The following MPHOSPH6 variants were observed in gnomAD, a reference collection of about 807,000 sequenced individuals.
The protein encoded by MPHOSPH6 is M-phase phosphoprotein 6.
Under a neutral mutation model 21.8 loss-of-function variants are expected in MPHOSPH6, and 25 were observed. That is an observed-to-expected ratio of 1.15 (90% CI 0.83 to 1.60). The LOEUF is 1.60. Among genes scored for constraint, MPHOSPH6 ranks in the 40% most tolerant of loss-of-function variants. The pLI is 0.00. For synonymous variants in MPHOSPH6, 84 were observed against 56.5 expected (o/e 1.49, Z -2.18); for missense variants, 269 against 181.8 (o/e 1.48, Z -2.76).
At chr16:82,169,898 T>G (rs2967361) in intron 1 of MPHOSPH6, among the ~76,000 whole-genome samples, 103,669 of 152,132 alleles carry the variant, frequency 0.68, 36,516 homozygotes, top group Admixed American at 0.78. Flanking sequence ...TTCTGTGTAC[T>G]CAAGCTCCCA....
At chr16:82,149,288 G>T in intron 4 of MPHOSPH6, 21 bp downstream of exon 4, 1 of 1,609,454 alleles carries the variant, frequency 6.2e-7, no homozygotes, top group South Asian at 1.1e-5. Flanking sequence ...AGATTAGAAG[G>T]CTGCTGCGCA....
At position 82,148,786 on chromosome 16, in the gene MPHOSPH6, T is replaced by C; in HGVS notation, c.428A>G (p.Asn143Ser). The C allele has an allele frequency of 6.2e-7, 1 of 1,614,150 alleles. No homozygotes were observed. Among genetic ancestry groups the C allele is most frequent in the Non-Finnish European group, 8.5e-7 (1 of 1,180,006 alleles). The change falls in exon 5 of 5, where the codon AAT becomes AGT. Residue 143 changes from asparagine to serine, a missense_variant. Physicochemically the swap from Asn to Ser is conservative, Grantham distance 46 (BLOSUM62 1). Transcript: ENST00000258169. ...TGCTTTAATTGGTGTTATGTCTCCA[T>C]TTTCATCTTCTTCATAATTGGCATG... ...RDHANYEEDE[N>S]GDITPIKAKK...
chr16:82,167,650 T>G (rs1263045082), intron 1 of MPHOSPH6: 1 of 155,748 alleles, frequency 6.4e-6, no homozygotes, highest in Non-Finnish European at 1.4e-5. Flanking sequence ...TTCTCGTAAG[T>G]AGAGCGCAAG....
rs367620629 is a variant in MPHOSPH6, at chr16:82,149,433, G to C, written c.256-30C>G. The stretch of plus-strand genomic sequence containing the variant: ...AAAATACACCAGTGCTGACCTTCAG[G>C]CTAGAAAACGCTTGTGAAAGGAACT... On this transcript the variant is annotated intron_variant, in intron 3 of 4. Coordinates refer to ENST00000258169, the MANE Select transcript of MPHOSPH6 (RefSeq NM_005792.2). 3.8e-6 allele frequency: 6 copies of C among 1,588,172 alleles called. No individual in the cohort carries two copies. The African/African-American group carries it at 5.4e-5, about 14-fold the overall frequency.
intron 3 of MPHOSPH6, 114 bp from the exon 4 acceptor site, chr16:82,149,517 A>C (rs970843620): frequency 9.1e-5 from 78 of 853,670 alleles, no homozygotes; most frequent in Admixed American, 2.1e-4. Context: ...AGAACTAGTC[A>C]AAATTGATAA....
intron 2 of MPHOSPH6, among the ~76,000 whole-genome samples, chr16:82,160,029 G>A (rs1906557229): frequency 6.6e-6 from 1 of 152,132 alleles, no homozygotes; most frequent in Non-Finnish European, 1.5e-5. Flanking sequence ...GGCAAAGGAG[G>A]GACCCAGAGA....
chr16:82,149,466 A>G, intron 3 of MPHOSPH6, 63 bp from the exon 4 acceptor site: 1 of 1,389,428 alleles, frequency 7.2e-7, no homozygotes, highest in Non-Finnish European at 1.0e-6. Context: ...ACTGATGTCA[A>G]ACTTACCTGA....
At position 82,170,209 on chromosome 16, in the gene MPHOSPH6, G is replaced by C. The variant is rs998253484; in HGVS notation, c.-34C>G. ...CCGCCCAGCGCCGCACTCCGGCCGCGAGCCTCACCGCACATGCGCGGAGCC... is the reference window on the plus strand; with the variant it reads ...CCGCCCAGCGCCGCACTCCGGCCGCCAGCCTCACCGCACATGCGCGGAGCC... On this transcript the variant is annotated 5_prime_UTR_variant, in exon 1 of 5. Transcript: ENST00000258169. 1.9e-6 allele frequency: 3 copies of C among 1,566,216 alleles called. No homozygotes were observed. Among genetic ancestry groups the C allele is most frequent in the African/African-American group, 1.4e-5 (1 of 72,060 alleles).
chr16:82,149,494 T>TC, intron 3 of MPHOSPH6, 91 bp from the exon 4 acceptor site: 2 of 1,060,496 alleles, frequency 1.9e-6, no homozygotes, highest in South Asian at 2.5e-5. Flanking sequence ...GAAACTGAAG[T>TC]CAAATAATCT....
intron 3 of MPHOSPH6, among the ~76,000 whole-genome samples, 187 bp from the exon 4 acceptor site, chr16:82,149,590 A>G (rs1458978371): frequency 6.6e-6 from 1 of 152,256 alleles, no homozygotes; most frequent in Admixed American, 6.5e-5. Context: ...AGTCAAAAAA[A>G]TAGTAAGGCA....
intron 1 of MPHOSPH6, among the ~76,000 whole-genome samples, chr16:82,165,918 A>T (rs62044259): frequency 0.65 from 99,188 of 152,178 alleles, 34,443 homozygotes; most frequent in East Asian, 0.78. Context: ...CAAGTGCTGA[A>T]GAGAATGTGA....
intron 2 of MPHOSPH6, among the ~76,000 whole-genome samples, chr16:82,154,178 C>T (rs2064191309): frequency 6.6e-6 from 1 of 152,158 alleles, no homozygotes; most frequent in South Asian, 2.1e-4. Flanking sequence ...AGAGCTTGCA[C>T]AGAGCAAGGA....
chr16:82,159,240 A>G (rs1352926055), intron 2 of MPHOSPH6, among the ~76,000 whole-genome samples: 1 of 152,220 alleles, frequency 6.6e-6, no homozygotes, highest in East Asian at 1.9e-4. Context: ...ATTTGCAAAA[A>G]CAGAAAACAG....
chr16:82,169,936 G>A (rs910686076), intron 1 of MPHOSPH6, among the ~76,000 whole-genome samples, 189 bp downstream of exon 1: 1 of 152,136 alleles, frequency 6.6e-6, no homozygotes, highest in African/African-American at 2.4e-5. Context: ...TGAGAGAGTC[G>A]GCCTAATTCG....
chr16:82,149,483 A>C, intron 3 of MPHOSPH6, 80 bp from the exon 4 acceptor site: 1 of 1,180,376 alleles, frequency 8.5e-7, no homozygotes, highest in Admixed American at 1.7e-5. Context: ...CTGAAGGCAG[A>C]GAAACTGAAG....
chr16:82,158,427 A>G (rs1373547791), intron 2 of MPHOSPH6, among the ~76,000 whole-genome samples: 2 of 130,882 alleles, frequency 1.5e-5, no homozygotes, highest in African/African-American at 2.8e-5. Context: ...TGAACCCGGG[A>G]GGTGGAGTTT....
In MPHOSPH6 at chr16:82,149,363, T is replaced by G; in HGVS notation, c.296A>C (p.Glu99Ala). ...AAGCTCTACTGTTTCATCTTCAACT[T>G]CTTCTGCTTTGTGCTTAGCATTCAT... ...LQMNAKHKAE[E>A]VEDETVELDV... The change falls in exon 4 of 5, where the codon GAA becomes GCA. Residue 99 changes from glutamate to alanine, a missense_variant. Glu to Ala is a moderately radical substitution (Grantham distance 107, BLOSUM62 -1). Coordinates refer to ENST00000258169, the MANE Select transcript of MPHOSPH6 (RefSeq NM_005792.2). 6.2e-7 allele frequency: 1 copy of G among 1,613,006 alleles called. No homozygotes were observed. Among genetic ancestry groups the G allele is most frequent in the Non-Finnish European group, 8.5e-7 (1 of 1,180,014 alleles).
chr16:82,153,767 T>C (rs776995067), intron 2 of MPHOSPH6, among the ~76,000 whole-genome samples: 13 of 152,196 alleles, frequency 8.5e-5, no homozygotes, highest in Non-Finnish European at 1.8e-4. Flanking sequence ...CTGCATTAGC[T>C]TCCTGTGGCT....
At chr16:82,165,418 C>T (rs987972509) in intron 1 of MPHOSPH6, among the ~76,000 whole-genome samples, 2 of 152,006 alleles carry the variant, frequency 1.3e-5, no homozygotes, top group Non-Finnish European at 2.9e-5. Context: ...GCCGCTGCGC[C>T]CGGCCCAGGT....
Sources: allele counts gnomAD v4.1 joint callset (sites outside exome capture counted in the v4.1 genomes callset), GRCh38; gene constraint gnomAD v4.1.1; transcripts MANE v1.5; gene names NCBI Gene and HGNC (gene_info 2026-07-23, HGNC 2026-07-21).